PKD2L2: variants seen among roughly 807,000 people sequenced by gnomAD.
PKD2L2 encodes the protein polycystin 2 like 2, transient receptor potential cation channel, also known as polycystin-2-like protein 2.
A neutral mutation model predicts 83.9 loss-of-function variants in PKD2L2; 67 were observed. The observed-to-expected ratio is 0.80, with a 90% confidence interval of 0.66 to 0.98. The LOEUF (loss-of-function observed/expected upper bound fraction) is 0.98. Among genes scored for constraint, PKD2L2 ranks in the 50% least tolerant of loss-of-function variants. The pLI, the probability that PKD2L2 is intolerant of heterozygous loss-of-function variation, is 0.00. For missense variants in PKD2L2, 632 were observed against 717.2 expected, an observed-to-expected ratio of 0.88 and a Z score of 1.36; for synonymous variants, 223 against 237.8, an observed-to-expected ratio of 0.94 and a Z score of 0.57.
Position 137,899,667 on chromosome 5 carries a change from A to G in PKD2L2, c.676A>G (p.Arg226Gly), listed in dbSNP as rs533914137. 4 of 1,613,318 alleles carry G rather than the reference A, an allele frequency of 2.5e-6. No homozygotes were observed. In the South Asian group the frequency reaches 4.4e-5, roughly 18 times the overall value. Residue 226 changes from arginine (R) to glycine (G), a missense_variant, in exon 5 of 15, where the codon AGA becomes GGA. Arg to Gly is a moderately radical substitution (Grantham distance 125). This residue lies in a region of PKD2L2 where 229 missense variants were observed against 281.5 expected (regional missense o/e 0.81). Coordinates refer to ENST00000508883, the MANE Select transcript of PKD2L2 (RefSeq NM_001300921.2). Reference sequence around the variant, plus strand: ...CCTTCGACTGAACAGCTGGATCACAAGAGGGACTAGAGTTATTTTTATTGA... The same window carrying G: ...CCTTCGACTGAACAGCTGGATCACAGGAGGGACTAGAGTTATTTTTATTGA... ...IDLRLNSWIT[R>G]GTRVIFIDFS...
chr5:137,900,788 G>A (rs1756887229), intron 5 of PKD2L2, among the ~76,000 whole-genome samples: 1 of 152,162 alleles, frequency 6.6e-6, no homozygotes, highest in Non-Finnish European at 1.5e-5. Context: ...CAGCTTCTGT[G>A]GGAATGCAGG....
At chr5:137,894,636 C>T (rs866459461) in intron 4 of PKD2L2, 27 bp downstream of exon 4, 1 of 1,553,572 alleles carries the variant, frequency 6.4e-7, no homozygotes, top group Non-Finnish European at 8.8e-7. Flanking sequence ...TATACTGTAA[C>T]TTTTTCTAGC....
intron 12 of PKD2L2, among the ~76,000 whole-genome samples, chr5:137,932,624 C>T (rs900148392): frequency 3.3e-5 from 5 of 152,128 alleles, no homozygotes; most frequent in Non-Finnish European, 7.3e-5. Context: ...AGAGAAGGGG[C>T]TTGTGGAGCT....
chr5:137,929,268 C>T (rs1759636128), intron 12 of PKD2L2, among the ~76,000 whole-genome samples: 1 of 151,720 alleles, frequency 6.6e-6, no homozygotes, highest in Non-Finnish European at 1.5e-5. Context: ...TTGAGACCAG[C>T]CTGACAAACA....
intron 8 of PKD2L2, among the ~76,000 whole-genome samples, chr5:137,913,111 G>GTGA (rs1007277577): frequency 2.0e-5 from 3 of 151,168 alleles, no homozygotes; most frequent in Admixed American, 2.0e-4. Flanking sequence ...TTGACCTCAG[G>GTGA]TGATCCACCT....
chr5:137,889,502 CGTCACGGT>C lies in PKD2L2; in HGVS notation c.13_20del (p.Ser5AlafsTer9). 1 of 1,561,582 alleles carries C rather than the reference CGTCACGGT, an allele frequency of 6.4e-7. No individual in the cohort carries two copies. Among genetic ancestry groups the C allele is most frequent in the Middle Eastern group, 1.7e-4 (1 of 5,916 alleles). On this transcript the variant is annotated frameshift_variant, in exon 1 of 15. Coordinates refer to ENST00000508883, the MANE Select transcript of PKD2L2 (RefSeq NM_001300921.2). LOFTEE classifies it high-confidence loss of function. ...TAGTGCAGGTCCGCCATGGCTGAGG[CGTCACGGT>C]GGCACCGAGGCGGTGAGGGGTCCTC...
intron 14 of PKD2L2, chr5:137,940,267 A>T: frequency 6.2e-7 from 1 of 1,613,956 alleles, no homozygotes. Flanking sequence ...TAAGAACTTC[A>T]AGAAGCCTAA....
intron 7 of PKD2L2, among the ~76,000 whole-genome samples, chr5:137,908,199 C>G (rs2150022035): frequency 6.6e-6 from 1 of 152,180 alleles, no homozygotes; most frequent in South Asian, 2.1e-4. Context: ...GTTCCAGCTA[C>G]TCTGGAGGCT....
intron 7 of PKD2L2, 49 bp from the exon 8 acceptor site, chr5:137,908,716 A>G (rs1757563734): frequency 1.1e-6 from 1 of 887,994 alleles, no homozygotes; most frequent in Non-Finnish European, 1.7e-6. Flanking sequence ...ATTCTAAGTA[A>G]TTTCATCTTT....
chr5:137,901,292 G>T (rs1461194617), intron 5 of PKD2L2, among the ~76,000 whole-genome samples: 1 of 152,164 alleles, frequency 6.6e-6, no homozygotes, highest in Non-Finnish European at 1.5e-5. Flanking sequence ...GATAGCAGAA[G>T]TAGCTTTTGC....
chr5:137,899,768 A>G (rs1756798168), intron 5 of PKD2L2, 31 bp downstream of exon 5: 1 of 1,300,622 alleles, frequency 7.7e-7, no homozygotes, highest in African/African-American at 1.5e-5. Context: ...TTTCATAGAC[A>G]GTGGTCAATG....
intron 8 of PKD2L2, among the ~76,000 whole-genome samples, chr5:137,918,944 ATGTGTGTGTGTGTGTGTGTGTGTGAGTG>A (rs59805925): frequency 1.4e-4 from 21 of 146,220 alleles, no homozygotes; most frequent in African/African-American, 5.0e-4. Context: ...GGCCTGCACA[ATGTGTGTGTGTGTGTGTGTGTGTGAGTG>A]TGTGTGTGTG....
At chr5:137,926,393 C>T (rs1373135421) in intron 12 of PKD2L2, among the ~76,000 whole-genome samples, 2 of 151,348 alleles carry the variant, frequency 1.3e-5, no homozygotes, top group Non-Finnish European at 2.9e-5. Context: ...CATTGCTCTA[C>T]TTCTGGTCAC....
chr5:137,899,540 C>T lies in PKD2L2; in HGVS notation c.549C>T (p.Thr183=). The change falls in exon 5 of 15, where the codon ACC becomes ACT. Residue 183 remains threonine (T), a synonymous_variant. Transcript: ENST00000508883. ...NTEWRYSTSN[T]NSPWHWGFLG... is the part of the protein sequence containing the mutation. ...GATGGAGATATTCTACTTCTAATAC[C>T]AACTCCCCTTGGCACTGGGGATTTC... The T allele has an allele frequency of 6.2e-7, 1 of 1,605,964 alleles. No individual in the cohort carries two copies. Among genetic ancestry groups the T allele is most frequent in the South Asian group, 1.1e-5 (1 of 90,854 alleles).
intron 5 of PKD2L2, among the ~76,000 whole-genome samples, chr5:137,901,002 T>C (rs951359723): frequency 6.6e-6 from 1 of 151,920 alleles, no homozygotes; most frequent in Admixed American, 6.6e-5. Context: ...CCGGGCGTGG[T>C]GGCACAGCCT....
At chr5:137,905,295 T>C (rs1757277182) in intron 5 of PKD2L2, among the ~76,000 whole-genome samples, 1 of 152,200 alleles carries the variant, frequency 6.6e-6, no homozygotes, top group African/African-American at 2.4e-5. Flanking sequence ...TCCGTTTATT[T>C]TCGTTTTTGT....
At chr5:137,889,589 A>T in intron 1 of PKD2L2, 67 bp downstream of exon 1, 3 of 1,377,126 alleles carry the variant, frequency 2.2e-6, no homozygotes, top group Non-Finnish European at 2.9e-6. Flanking sequence ...CCCTGAAAGG[A>T]ACTCTGCGGC....
intron 5 of PKD2L2, among the ~76,000 whole-genome samples, chr5:137,904,248 G>C (rs1757188624): frequency 1.3e-5 from 2 of 152,128 alleles, no homozygotes; most frequent in South Asian, 4.1e-4. Context: ...CAAAGGATTT[G>C]CTCTAGAATC....
intron 4 of PKD2L2, among the ~76,000 whole-genome samples, chr5:137,899,127 T>G (rs959124752): frequency 3.9e-5 from 6 of 152,156 alleles, no homozygotes; most frequent in Non-Finnish European, 7.4e-5. Flanking sequence ...TTTGGTTTTG[T>G]TTTTGTTTTG....
Sources: allele counts gnomAD v4.1 joint callset (sites outside exome capture counted in the v4.1 genomes callset), GRCh38; gene constraint gnomAD v4.1.1; regional missense constraint gnomAD v4.1.1; transcripts MANE v1.5; gene names NCBI Gene and HGNC (gene_info 2026-07-23, HGNC 2026-07-21).